Variants in ACVR2A observed in about 807,000 individuals in gnomAD.
ACVR2A encodes activin receptor type-2A.
In ACVR2A, 7 loss-of-function variants were observed where a neutral mutation model predicts 61.4. The ratio of observed to expected loss-of-function variants is 0.11; its 90% CI spans 0.06 to 0.21. The LOEUF (loss-of-function observed/expected upper bound fraction) is 0.21. Ranked by LOEUF, ACVR2A falls within the 10% of genes least tolerant of loss-of-function variation. The pLI is 1.00. For missense variants in ACVR2A, 322 were observed against 621.7 expected, an observed-to-expected ratio of 0.52 and a Z score of 5.13; for synonymous variants, 193 against 208.3, an observed-to-expected ratio of 0.93 and a Z score of 0.63.
chr2:147,869,073 T>G (rs1435263308), intron 1 of ACVR2A, among the ~76,000 whole-genome samples: 1 of 152,222 alleles, frequency 6.6e-6, no homozygotes, highest in African/African-American at 2.4e-5. Flanking sequence ...TTAAAAGCAG[T>G]CCTTGACGAG....
At chr2:147,893,749 T>C (rs771583243) in intron 1 of ACVR2A, among the ~76,000 whole-genome samples, 5 of 152,208 alleles carry the variant, frequency 3.3e-5, no homozygotes, top group Non-Finnish European at 5.9e-5. Flanking sequence ...GATTGACTTG[T>C]AAGAGGCCGT....
chr2:147,892,878 C>A (rs757242724), intron 1 of ACVR2A, among the ~76,000 whole-genome samples: 4 of 150,612 alleles, frequency 2.7e-5, no homozygotes, highest in Non-Finnish European at 4.4e-5. Flanking sequence ...ATGGTAGTTT[C>A]TTTTCTATTG....
chr2:147,901,955 C>CT (rs1686880068), intron 4 of ACVR2A, among the ~76,000 whole-genome samples: 1 of 151,874 alleles, frequency 6.6e-6, no homozygotes, highest in Non-Finnish European at 1.5e-5. Flanking sequence ...TTAGTTTTAT[C>CT]TTCTATTTCA....
chr2:147,888,355 A>T (rs1340701790), intron 1 of ACVR2A, among the ~76,000 whole-genome samples: 1 of 152,158 alleles, frequency 6.6e-6, no homozygotes, highest in Non-Finnish European at 1.5e-5. Flanking sequence ...CATTACACCT[A>T]TCCATCAATT....
At chr2:147,887,546 CAT>C (rs1686471484) in intron 1 of ACVR2A, among the ~76,000 whole-genome samples, 1 of 152,144 alleles carries the variant, frequency 6.6e-6, no homozygotes, top group African/African-American at 2.4e-5. Flanking sequence ...CATTCTAACT[CAT>C]ATATCTTCTC....
chr2:147,865,107 C>T (rs1468525678), intron 1 of ACVR2A, among the ~76,000 whole-genome samples: 1 of 152,004 alleles, frequency 6.6e-6, no homozygotes, highest in Non-Finnish European at 1.5e-5. Flanking sequence ...AGTTCTTGGC[C>T]TTGTTTCTTT....
intron 1 of ACVR2A, among the ~76,000 whole-genome samples, chr2:147,891,982 G>GT (rs1248944151): frequency 3.3e-5 from 5 of 151,238 alleles, no homozygotes; most frequent in Admixed American, 1.3e-4. Flanking sequence ...GTTTTGTTTT[G>GT]TTTTTTTGAG....
intron 9 of ACVR2A, among the ~76,000 whole-genome samples, chr2:147,925,069 T>A (rs1687470313): frequency 6.6e-6 from 1 of 152,018 alleles, no homozygotes; most frequent in Admixed American, 6.6e-5. Context: ...AATTTGTGTT[T>A]ATGCACACAT....
At chr2:147,862,692 C>T (rs62169481) in intron 1 of ACVR2A, among the ~76,000 whole-genome samples, 21,730 of 151,308 alleles carry the variant, frequency 0.14, 1,930 homozygotes, top group Middle Eastern at 0.23. Context: ...TGCAGTGAGC[C>T]GAGATTGCGC....
chr2:147,855,950 ATATAC>A (rs1685561314), intron 1 of ACVR2A, among the ~76,000 whole-genome samples: 1 of 152,070 alleles, frequency 6.6e-6, no homozygotes, highest in Admixed American at 6.6e-5. Flanking sequence ...TTCAGATGTA[ATATAC>A]TATATTGTTG....
At chr2:147,846,113 T>C (rs1044564751) in intron 1 of ACVR2A, among the ~76,000 whole-genome samples, 1 of 152,190 alleles carries the variant, frequency 6.6e-6, no homozygotes, top group Non-Finnish European at 1.5e-5. Context: ...TAGTCTTTTG[T>C]ATTTGAAATT....
At chr2:147,907,371 G>A (rs567428423) in intron 4 of ACVR2A, among the ~76,000 whole-genome samples, 1 of 152,208 alleles carries the variant, frequency 6.6e-6, no homozygotes, top group African/African-American at 2.4e-5. Flanking sequence ...TGGGATTGCT[G>A]GGTCAAATGG....
intron 1 of ACVR2A, among the ~76,000 whole-genome samples, chr2:147,850,399 T>C (rs1685414390): frequency 6.6e-6 from 1 of 152,174 alleles, no homozygotes; most frequent in Admixed American, 6.5e-5. Context: ...GGGAATAGTG[T>C]TACTCTCTTA....
intron 1 of ACVR2A, among the ~76,000 whole-genome samples, chr2:147,858,578 T>C (rs1685647558): frequency 6.6e-6 from 1 of 152,224 alleles, no homozygotes; most frequent in African/African-American, 2.4e-5. Flanking sequence ...TTAATATTTA[T>C]GACAAGGGCC....
intron 7 of ACVR2A, among the ~76,000 whole-genome samples, chr2:147,919,197 C>T (rs1687322078): frequency 6.6e-6 from 1 of 152,098 alleles, no homozygotes; most frequent in South Asian, 2.1e-4. Context: ...GAAAAGTAGG[C>T]ATTAACTGAT....
chr2:147,901,863 G>A (rs756942972), intron 4 of ACVR2A, among the ~76,000 whole-genome samples: 27 of 151,960 alleles, frequency 1.8e-4, no homozygotes, highest in Non-Finnish European at 2.8e-4. Context: ...GTATGGTTTC[G>A]TGCTTCAAAT....
intron 1 of ACVR2A, among the ~76,000 whole-genome samples, chr2:147,865,307 C>G (rs1035447802): frequency 6.6e-6 from 1 of 152,164 alleles, no homozygotes; most frequent in African/African-American, 2.4e-5. Flanking sequence ...ACATCCGTAC[C>G]TTTTGTTCCC....
At chr2:147,870,407 C>T (rs1003428868) in intron 1 of ACVR2A, among the ~76,000 whole-genome samples, 1 of 152,034 alleles carries the variant, frequency 6.6e-6, no homozygotes, top group African/African-American at 2.4e-5. Flanking sequence ...TATACCTTGC[C>T]ACAATGCTGA....
At chr2:147,893,458 T>C (rs957298303) in intron 1 of ACVR2A, among the ~76,000 whole-genome samples, 1 of 130,878 alleles carries the variant, frequency 7.6e-6, no homozygotes, top group Non-Finnish European at 1.8e-5. Context: ...TAAAGCTGTT[T>C]TCCAAAGTGA....
Sources: allele counts gnomAD v4.1 joint callset (sites outside exome capture counted in the v4.1 genomes callset), GRCh38; gene constraint gnomAD v4.1.1; transcripts MANE v1.5; gene names NCBI Gene and HGNC (gene_info 2026-07-23, HGNC 2026-07-21).